Variants in GPC5 observed in about 807,000 individuals in gnomAD.
The protein encoded by GPC5 is glypican 5.
In GPC5, 47 loss-of-function variants were observed where a neutral mutation model predicts 53.9. The observed-to-expected ratio is 0.87, with a 90% CI of 0.69 to 1.11. The LOEUF (loss-of-function observed/expected upper bound fraction) is 1.11, where lower values mean the gene tolerates loss of function less well. Ranked by LOEUF, GPC5 falls within the 50% of genes most tolerant of loss-of-function variation. The probability of loss-of-function intolerance (pLI) is 0.00; values close to 1 mark genes in which losing one functional copy is unlikely to be tolerated. For missense variants in GPC5, 748 were observed against 713.1 expected (o/e 1.05, Z -0.56); for synonymous variants, 286 against 263.3 (o/e 1.09, Z -0.84).
chr13:91,764,649 C>T (rs1023371961), intron 5 of GPC5, among the ~76,000 whole-genome samples: 2 of 152,158 alleles, frequency 1.3e-5, no homozygotes, highest in African/African-American at 2.4e-5. Context: ...TTCCCCTCGT[C>T]CAGTTAGGTT....
chr13:91,913,265 G>C (rs887995636), intron 6 of GPC5, among the ~76,000 whole-genome samples: 1 of 151,942 alleles, frequency 6.6e-6, no homozygotes, highest in African/African-American at 2.4e-5. Flanking sequence ...TGGGCATTGT[G>C]GCGTGCACCT....
At chr13:92,517,521 T>A (rs1210479738) in intron 7 of GPC5, among the ~76,000 whole-genome samples, 1 of 152,084 alleles carries the variant, frequency 6.6e-6, no homozygotes, top group Admixed American at 6.6e-5. Context: ...CAACATTTGC[T>A]GTTATATTCG....
intron 7 of GPC5, among the ~76,000 whole-genome samples, chr13:92,632,553 C>T (rs1218998386): frequency 2.0e-5 from 3 of 149,556 alleles, no homozygotes; most frequent in Non-Finnish European, 4.4e-5. Context: ...TTTATATATT[C>T]CAATTCTGCC....
chr13:92,163,274 C>T (rs2042003566), intron 7 of GPC5, among the ~76,000 whole-genome samples: 1 of 151,782 alleles, frequency 6.6e-6, no homozygotes, highest in Non-Finnish European at 1.5e-5. Context: ...CTAGCCTGGC[C>T]GCATGGTGAA....
chr13:92,751,885 A>G (rs1461311338), intron 7 of GPC5, among the ~76,000 whole-genome samples: 1 of 152,184 alleles, frequency 6.6e-6, no homozygotes, highest in Non-Finnish European at 1.5e-5. Flanking sequence ...CAACTAGGTT[A>G]TTGCCTCAAG....
intron 7 of GPC5, among the ~76,000 whole-genome samples, chr13:92,406,122 C>A (rs1875786761): frequency 6.6e-6 from 1 of 152,192 alleles, no homozygotes; most frequent in Non-Finnish European, 1.5e-5. Context: ...TGCAAACCCA[C>A]TTTACATTTC....
At chr13:92,431,295 A>G (rs1566587515) in intron 7 of GPC5, among the ~76,000 whole-genome samples, 1 of 152,180 alleles carries the variant, frequency 6.6e-6, no homozygotes, top group Non-Finnish European at 1.5e-5. Flanking sequence ...TATATACAAT[A>G]AAAGATAATT....
intron 7 of GPC5, among the ~76,000 whole-genome samples, chr13:92,532,400 A>G (rs976105439): frequency 1.3e-5 from 2 of 152,198 alleles, no homozygotes; most frequent in Non-Finnish European, 2.9e-5. Context: ...GATCATAAAT[A>G]AAAATATTTC....
At chr13:91,621,759 CATTATATATATATAT>C (rs1200873814) in intron 2 of GPC5, among the ~76,000 whole-genome samples, 6 of 107,400 alleles carry the variant, frequency 5.6e-5, no homozygotes, top group South Asian at 2.9e-4. Flanking sequence ...AGGGACAGAA[CATTATATATATATAT>C]ATATATATAT....
intron 6 of GPC5, among the ~76,000 whole-genome samples, chr13:92,023,417 G>C (rs2040775000): frequency 6.6e-6 from 1 of 151,948 alleles, no homozygotes; most frequent in Admixed American, 6.6e-5. Flanking sequence ...TGCTTAAAAA[G>C]TAATGGTCAA....
rs189129415 is a variant in GPC5 at position 91,731,999 on chromosome 13, T to A, written c.1154+3334T>A. Among the ~76,000 whole-genome samples, 500 of 152,354 alleles carry A rather than the reference T, an allele frequency of 3.3e-3. 3 individuals carry two copies. Among genetic ancestry groups the A allele is most frequent in the African/African-American group, 0.011 (474 of 41,574 alleles). The stretch of plus-strand genomic sequence containing the variant: ...AATAGTGCTGCAATAAACATACATG[T>A]GCATGTGTCTTTAAAGTAGAATGAT... On this transcript the variant is annotated intron_variant, in intron 4 of 7. Coordinates refer to ENST00000377067, the MANE Select transcript of GPC5 (RefSeq NM_004466.6).
intron 7 of GPC5, among the ~76,000 whole-genome samples, chr13:92,745,934 T>C (rs1477625181): frequency 1.3e-5 from 2 of 152,126 alleles, no homozygotes; most frequent in East Asian, 3.8e-4. Context: ...TATGGAATTG[T>C]ATTATCGATA....
At chr13:91,890,693 T>G (rs892955863) in intron 5 of GPC5, among the ~76,000 whole-genome samples, 1 of 152,218 alleles carries the variant, frequency 6.6e-6, no homozygotes, top group Admixed American at 6.5e-5. Flanking sequence ...AAGTAACAGA[T>G]ACAAAGTTTT....
At chr13:92,388,287 G>T (rs1400183075) in intron 7 of GPC5, among the ~76,000 whole-genome samples, 1 of 151,924 alleles carries the variant, frequency 6.6e-6, no homozygotes, top group Non-Finnish European at 1.5e-5. Flanking sequence ...ATATAAGAGT[G>T]GAAATGGATT....
intron 7 of GPC5, among the ~76,000 whole-genome samples, chr13:92,345,283 T>C (rs552308730): frequency 3.3e-4 from 51 of 152,306 alleles, no homozygotes; most frequent in African/African-American, 1.2e-3. Flanking sequence ...TCATAATGAC[T>C]GTTCTGGCAT....
intron 2 of GPC5, among the ~76,000 whole-genome samples, chr13:91,674,378 TATATATATATATACACACACAC>T (rs1459406975): frequency 1.4e-5 from 2 of 142,338 alleles, no homozygotes; most frequent in African/African-American, 5.7e-5. Flanking sequence ...ACTAACTCAT[TATATATATATATACACACACAC>T]ATATATATAT....
chr13:92,090,278 G>T (rs542211819), intron 6 of GPC5, among the ~76,000 whole-genome samples: 1 of 152,170 alleles, frequency 6.6e-6, no homozygotes, highest in East Asian at 1.9e-4. Flanking sequence ...GTCTCATAGT[G>T]CTGTAGGCTG....
intron 6 of GPC5, among the ~76,000 whole-genome samples, chr13:92,135,898 G>A (rs1351714630): frequency 1.3e-5 from 2 of 152,156 alleles, no homozygotes; most frequent in African/African-American, 2.4e-5. Flanking sequence ...TGTCTATAAA[G>A]GTTTAACTGC....
chr13:91,749,316 T>C (rs571305655), intron 4 of GPC5, among the ~76,000 whole-genome samples: 125 of 152,332 alleles, frequency 8.2e-4, no homozygotes, highest in Non-Finnish European at 2.6e-4. Context: ...CTTAACATAA[T>C]GTCCTCCACT....
Sources: gnomAD v4.1 joint callset for allele counts (sites outside exome capture counted in the v4.1 genomes callset) on GRCh38, gnomAD v4.1.1 for gene constraint, MANE v1.5 for transcripts, NCBI Gene and HGNC (gene_info 2026-07-23, HGNC 2026-07-21) for gene names.